The following HCN4 variants were observed in gnomAD, a reference collection of about 807,000 sequenced individuals.
HCN4 encodes potassium/sodium hyperpolarization-activated cyclic nucleotide-gated channel 4.
HCN4 carries 29 observed loss-of-function variants against 76.9 expected under a neutral mutation model. The ratio of observed to expected loss-of-function variants is 0.38; its 90% CI spans 0.28 to 0.51. HCN4 has a LOEUF of 0.51. Ranked by LOEUF, HCN4 falls within the 20% of genes least tolerant of loss-of-function variation. The pLI is 0.90. For synonymous variants in HCN4, 772 were observed against 762.5 expected, an observed-to-expected ratio of 1.01 and a Z score of -0.21; for missense variants, 1,416 against 1,715.2, an observed-to-expected ratio of 0.83 and a Z score of 3.08.
In HCN4 at chr15:73,322,454, G is replaced by GA. The variant is rs1374630627; in HGVS notation, c.*26dup. On this transcript the variant is annotated 3_prime_UTR_variant, in exon 8 of 8. Transcript: ENST00000261917. ...GGAAGAAGGAAGGGAGAGAAAAGAA[G>GA]AAAGAAGAGGGAAGGAAGGGCCCAG... The GA allele has an allele frequency of 3.3e-6, 5 of 1,534,804 alleles. No homozygotes were observed. Among genetic ancestry groups the GA allele is most frequent in the Non-Finnish European group, 3.5e-6 (4 of 1,128,070 alleles).
intron 2 of HCN4, 116 bp from the exon 3 acceptor site, chr15:73,332,408 C>T (rs991718971): frequency 1.3e-5 from 14 of 1,058,688 alleles, no homozygotes; most frequent in East Asian, 2.5e-5. Flanking sequence ...CTCTGCAGGG[C>T]GCCCACTCAG....
At chr15:73,335,847 G>C (rs2042962001) in intron 2 of HCN4, among the ~76,000 whole-genome samples, 1 of 152,094 alleles carries the variant, frequency 6.6e-6, no homozygotes, top group African/African-American at 2.4e-5. Flanking sequence ...GGGGCCAGTG[G>C]GGCCCTTCTT....
rs1420187936 is a variant in HCN4 at position 73,325,664 on chromosome 15, A to G, written c.1591-220T>C. 1.3e-5 allele frequency among the ~76,000 whole-genome samples: 2 copies of G among 152,140 alleles called. No homozygotes were observed. Among genetic ancestry groups the G allele is most frequent in the Non-Finnish European group, 2.9e-5 (2 of 68,028 alleles). ...TGCTTGGCATGGAGGAGGGGCCCCCACCAGCATCTGCTCCTCGCTGTGTTC... is the reference window on the plus strand; with the variant it reads ...TGCTTGGCATGGAGGAGGGGCCCCCGCCAGCATCTGCTCCTCGCTGTGTTC... On this transcript the variant is annotated intron_variant, in intron 4 of 7. Transcript: ENST00000261917. The surrounding 1 kb of genome is among the most constrained non-coding windows in gnomAD (Gnocchi z 7.4).
At chr15:73,338,485 G>A (rs1035906359) in intron 2 of HCN4, among the ~76,000 whole-genome samples, 1 of 152,200 alleles carries the variant, frequency 6.6e-6, no homozygotes. Context: ...CCTCATCTGT[G>A]GAATGGGTAA....
chr15:73,358,720 T>C (rs952628034), intron 1 of HCN4, among the ~76,000 whole-genome samples: 29 of 152,188 alleles, frequency 1.9e-4, no homozygotes, highest in African/African-American at 5.1e-4. Flanking sequence ...CCCCAGCACC[T>C]GCCAACACCC....
At chr15:73,356,096 C>T (rs952098139) in intron 1 of HCN4, among the ~76,000 whole-genome samples, 6 of 152,064 alleles carry the variant, frequency 3.9e-5, no homozygotes, top group Non-Finnish European at 7.4e-5. Context: ...CCTGCTCACA[C>T]AGGAAGGCAC....
At position 73,367,684 on chromosome 15, in the gene HCN4, G is replaced by T; in HGVS notation, c.587C>A (p.Ala196Asp). ...TAIKVEGGAAAGDQILPEAEV... is the reference protein window; with the variant it reads ...TAIKVEGGAADGDQILPEAEV... The stretch of plus-strand genomic sequence containing the variant: ...GGCCTCCGGGAGGATCTGGTCGCCG[G>T]CAGCCGCGCCTCCCTCCACTTTGAT... The change falls in exon 1 of 8, where the codon GCC becomes GAC. Residue 196 changes from alanine to aspartate, a missense_variant. Ala to Asp is a moderately radical substitution (Grantham distance 126). This residue lies in a region of HCN4 where 355 missense variants were observed against 347.8 expected (regional missense o/e 1.02). Coordinates refer to ENST00000261917, the MANE Select transcript of HCN4 (RefSeq NM_005477.3). This position sits in a 1 kb window ranked among gnomAD's most constrained non-coding sequence, Gnocchi z 7.5. 1 of 1,600,346 alleles carries T rather than the reference G, an allele frequency of 6.2e-7. No homozygotes were observed.
chr15:73,337,223 C>A (rs2042971681), intron 2 of HCN4, among the ~76,000 whole-genome samples: 1 of 152,254 alleles, frequency 6.6e-6, no homozygotes, highest in African/African-American at 2.4e-5. Context: ...TGATGAATTT[C>A]CTTCCTGGAG....
chr15:73,331,275 G>A (rs1445843888), intron 3 of HCN4, among the ~76,000 whole-genome samples: 1 of 152,130 alleles, frequency 6.6e-6, no homozygotes, highest in Non-Finnish European at 1.5e-5. Flanking sequence ...AAGGTTGGAG[G>A]GATAGGGTGG....
chr15:73,325,474 C>T lies in HCN4; in HGVS notation c.1591-30G>A. 6.2e-7 allele frequency: 1 copy of T among 1,613,062 alleles called. No individual in the cohort carries two copies. Among genetic ancestry groups the T allele is most frequent in the Non-Finnish European group, 8.5e-7 (1 of 1,179,406 alleles). On this transcript the variant is annotated intron_variant, in intron 4 of 7. Transcript: ENST00000261917. The surrounding 1 kb of genome is among the most constrained non-coding windows in gnomAD (Gnocchi z 7.4). Reference sequence around the variant, plus strand: ...GGCCGGGAGAAGGGGGCGTCAGCTCCACCCCACCAGGGGGCGTCAGCAGCC... The same window carrying T: ...GGCCGGGAGAAGGGGGCGTCAGCTCTACCCCACCAGGGGGCGTCAGCAGCC...
chr15:73,353,004 AGATGGATGGATGGATGGATG>A (rs756120632), intron 1 of HCN4, among the ~76,000 whole-genome samples: 2 of 150,810 alleles, frequency 1.3e-5, no homozygotes, highest in Non-Finnish European at 3.0e-5. Flanking sequence ...ATGGATGGAC[AGATGGATGGATGGATGGATG>A]GATGGATGGA....
At chr15:73,336,273 G>A (rs1276206477) in intron 2 of HCN4, among the ~76,000 whole-genome samples, 1 of 152,078 alleles carries the variant, frequency 6.6e-6, no homozygotes, top group Non-Finnish European at 1.5e-5. Context: ...AGTTGAGGAG[G>A]GTATCAAAGT....
In HCN4 at chr15:73,325,190, G is replaced by A. The variant is rs973692653; in HGVS notation, c.1743C>T (p.Ile581=). 1 of 1,614,128 alleles carries A rather than the reference G, an allele frequency of 6.2e-7. No individual in the cohort carries two copies. The highest frequency in any genetic ancestry group is 8.5e-7 in the Non-Finnish European group (1 of 1,179,978). Residue 581 remains isoleucine (I), a synonymous_variant, in exon 6 of 8, where the codon ATC becomes ATT. Coordinates refer to ENST00000261917, the MANE Select transcript of HCN4 (RefSeq NM_005477.3). The surrounding 1 kb of genome is among the most constrained non-coding windows in gnomAD (Gnocchi z 7.4). ...CCAGCTTCCGACAGTTAAAGTTGAT[G>A]ATCTCCTGCCGGACAGGGTGGATTG... ...GELSEPLREE[I]INFNCRKLVA...
Position 73,328,227 on chromosome 15 carries a change from T to A in HCN4, c.1590+1346A>T, listed in dbSNP as rs931824642. On this transcript the variant is annotated intron_variant, in intron 4 of 7. Coordinates refer to ENST00000261917, the MANE Select transcript of HCN4 (RefSeq NM_005477.3). The surrounding 1 kb of genome is among the most constrained non-coding windows in gnomAD (Gnocchi z 4.0). ...GGTGAGGCTGGACGTGGAGAGGGTGTCAGGTGGACACCTGGGGAGGAGAGT... is the reference window on the plus strand; with the variant it reads ...GGTGAGGCTGGACGTGGAGAGGGTGACAGGTGGACACCTGGGGAGGAGAGT... Among the ~76,000 whole-genome samples the A allele has an allele frequency of 1.3e-5, 2 of 151,584 alleles. No individual in the cohort carries two copies. The highest frequency in any genetic ancestry group is 6.6e-5 in the Admixed American group (1 of 15,234).
At chr15:73,327,656 T>C (rs494493) in intron 4 of HCN4, among the ~76,000 whole-genome samples, 133,024 of 151,876 alleles carry the variant, frequency 0.88, 58,794 homozygotes, top group Admixed American at 0.94. Context: ...CTTTGTAGCT[T>C]GATGCCTTCT....
chr15:73,331,724 T>A (rs2151217644), intron 3 of HCN4, among the ~76,000 whole-genome samples: 1 of 152,250 alleles, frequency 6.6e-6, no homozygotes, highest in South Asian at 2.1e-4. Context: ...GGATTACTGG[T>A]ATGAGCCACT....
intron 4 of HCN4, 120 bp downstream of exon 4, chr15:73,329,452 TG>T: frequency 1.2e-6 from 1 of 861,770 alleles, no homozygotes; most frequent in Non-Finnish European, 1.9e-6. Flanking sequence ...TCCCTCACAC[TG>T]GGAGTTCCGA....
chr15:73,368,132 T>A lies in HCN4; in HGVS notation c.139A>T (p.Ser47Cys). 1 of 1,514,704 alleles carries A rather than the reference T, an allele frequency of 6.6e-7. No homozygotes were observed. Among genetic ancestry groups the A allele is most frequent in the Non-Finnish European group, 8.8e-7 (1 of 1,133,620 alleles). The allele number at this position is 1,514,704 out of a possible 1,614,324, so 93.8% of individuals were successfully genotyped here. Reference protein sequence around the residue: ...AGGRQDPSRRSIRLRPLPSPS... With the variant: ...AGGRQDPSRRCIRLRPLPSPS... ...GAGGGCAGTGGCCGCAGCCGGATGC[T>A]CCTGCGGCTGGGGTCTTGGCGGCCC... Residue 47 changes from serine (S) to cysteine (C), a missense_variant, in exon 1 of 8, where the codon AGC becomes TGC. Physicochemically the swap from Ser to Cys is moderately radical, Grantham distance 112. Transcript: ENST00000261917. This position sits in a 1 kb window ranked among gnomAD's most constrained non-coding sequence, Gnocchi z 6.9.
At chr15:73,333,745 A>G (rs919442521) in intron 2 of HCN4, among the ~76,000 whole-genome samples, 4 of 152,164 alleles carry the variant, frequency 2.6e-5, no homozygotes, top group Non-Finnish European at 5.9e-5. Context: ...AGAGGGGACA[A>G]TAGTGCCACA....
Sources: gnomAD v4.1 joint callset for allele counts (sites outside exome capture counted in the v4.1 genomes callset) on GRCh38, gnomAD v4.1.1 for gene constraint, gnomAD v4.1.1 regional missense constraint, Gnocchi (gnomAD v3.1) non-coding constraint, MANE v1.5 for transcripts, NCBI Gene and HGNC (gene_info 2026-07-23, HGNC 2026-07-21) for gene names.